The following VPS13A variants were observed in gnomAD, a reference collection of about 807,000 sequenced individuals.
VPS13A encodes the protein intermembrane lipid transfer protein VPS13A.
In VPS13A, 264 loss-of-function variants were observed where a neutral mutation model predicts 390.9. The observed-to-expected ratio is 0.68, with a 90% confidence interval of 0.61 to 0.75. The LOEUF (loss-of-function observed/expected upper bound fraction) is 0.75. Ranked by LOEUF, VPS13A falls within the 30% of genes least tolerant of loss-of-function variation. VPS13A has a pLI of 0.00. For synonymous variants in VPS13A, 1,231 were observed against 1,227.1 expected (o/e 1.00, Z -0.07); for missense variants, 3,409 against 3,733.9 (o/e 0.91, Z 2.27).
At chr9:77,388,078 T>A (rs1370220846) in intron 68 of VPS13A, among the ~76,000 whole-genome samples, 1 of 152,198 alleles carries the variant, frequency 6.6e-6, no homozygotes, top group East Asian at 1.9e-4. Flanking sequence ...TTAGATTTCC[T>A]TGCAAAATAG....
intron 33 of VPS13A, among the ~76,000 whole-genome samples, chr9:77,299,478 C>T (rs11145380): frequency 0.1 from 15,555 of 152,070 alleles, 827 homozygotes; most frequent in Middle Eastern, 0.13. Flanking sequence ...TGTTGGTGTG[C>T]GTGTAAATTA....
intron 34 of VPS13A, among the ~76,000 whole-genome samples, chr9:77,305,163 C>G (rs150866052): frequency 6.6e-6 from 1 of 152,142 alleles, no homozygotes; most frequent in Non-Finnish European, 1.5e-5. Context: ...TGGTCTTGAT[C>G]TCCTGACCTC....
At chr9:77,343,285 A>G (rs1409505907) in intron 50 of VPS13A, among the ~76,000 whole-genome samples, 2 of 152,196 alleles carry the variant, frequency 1.3e-5, no homozygotes, top group Non-Finnish European at 2.9e-5. Flanking sequence ...ATTCCTAAGC[A>G]TGTCTCATAT....
Position 77,360,664 on chromosome 9 carries a change from T to G in VPS13A, c.8211+23T>G, listed in dbSNP as rs550788272. On this transcript the variant is annotated intron_variant, in intron 59 of 71. Transcript: ENST00000360280. ...GAGGTAAGACTTAAAATAATAACAT[T>G]TGATGGAAAGGATTAGGGAAAAGAT... 3.3e-6 allele frequency: 5 copies of G among 1,513,522 alleles called. No individual in the cohort carries two copies. The African/African-American group carries it at 6.9e-5, about 21-fold the overall frequency. 93.8% of individuals were successfully genotyped at this position (1,513,522 alleles called of 1,614,324 possible).
intron 68 of VPS13A, 143 bp downstream of exon 68, chr9:77,382,230 A>G: frequency 7.1e-7 from 1 of 1,417,230 alleles, no homozygotes; most frequent in South Asian, 1.5e-5. Context: ...ATTTACTTAG[A>G]TTTTAAAGTA....
At chr9:77,307,819 A>G in intron 34 of VPS13A, 126 bp from the exon 35 acceptor site, 1 of 764,536 alleles carries the variant, frequency 1.3e-6, no homozygotes, top group Admixed American at 2.7e-5. Flanking sequence ...GTTTGTAAAA[A>G]TGTTTAATTG....
rs746297134 is a variant in VPS13A at position 77,315,488 on chromosome 9, A to C, written c.4630+18A>C. ...GGAAGAAGGTTAGTTATTGGCTAAA[A>C]TATTTAATATTTGTTTTATTGAAGT... On this transcript the variant is annotated intron_variant, in intron 38 of 71. Transcript: ENST00000360280. 1.2e-6 allele frequency: 2 copies of C among 1,608,614 alleles called. No individual in the cohort carries two copies. Among genetic ancestry groups the C allele is most frequent in the Admixed American group, 1.7e-5 (1 of 59,920 alleles).
rs147760905 is a variant in VPS13A, at chr9:77,368,849, A to G, written c.8554-450A>G. 2.3e-4 allele frequency among the ~76,000 whole-genome samples: 35 copies of G among 152,332 alleles called. No individual in the cohort carries two copies. The East Asian group carries it at 3.9e-3, about 17-fold the overall frequency. ...TTTTAAAAGCTAAGAATAGCGATCA[A>G]TAAGCCTGGCATGGTGGCTAACGCC... is the stretch of plus-strand genomic sequence containing the variant. On this transcript the variant is annotated intron_variant, in intron 62 of 71. Coordinates refer to ENST00000360280, the MANE Select transcript of VPS13A (RefSeq NM_033305.3).
At chr9:77,257,410 T>A (rs1170534981) in intron 22 of VPS13A, among the ~76,000 whole-genome samples, 2 of 151,974 alleles carry the variant, frequency 1.3e-5, no homozygotes, top group Non-Finnish European at 2.9e-5. Context: ...AATTTTTAAA[T>A]TTTTTTGTAG....
At chr9:77,405,457 G>T (rs1325886539) in intron 69 of VPS13A, among the ~76,000 whole-genome samples, 1 of 152,162 alleles carries the variant, frequency 6.6e-6, no homozygotes, top group African/African-American at 2.4e-5. Flanking sequence ...GATTTTGTAA[G>T]AAGTGCTTCA....
At position 77,184,173 on chromosome 9, in the gene VPS13A, T is replaced by C. The variant is rs149860343; in HGVS notation, c.100+6369T>C. On this transcript the variant is annotated intron_variant, in intron 1 of 71. Coordinates refer to ENST00000360280, the MANE Select transcript of VPS13A (RefSeq NM_033305.3). Reference sequence around the variant, plus strand: ...ATGTAACTCAAACCCAGTCAAGATATAGAACATGACCATCACCCCAGAAAG... The same window carrying C: ...ATGTAACTCAAACCCAGTCAAGATACAGAACATGACCATCACCCCAGAAAG... Among the ~76,000 whole-genome samples, 13 of 152,346 alleles carry C rather than the reference T, an allele frequency of 8.5e-5. No homozygotes were observed. The East Asian group carries it at 9.6e-4, about 11-fold the overall frequency.
At chr9:77,233,195 G>GT (rs1164889685) in intron 17 of VPS13A, among the ~76,000 whole-genome samples, 1 of 151,886 alleles carries the variant, frequency 6.6e-6, no homozygotes, top group African/African-American at 2.4e-5. Context: ...TGTTGGTACT[G>GT]TTTTTTGCAG....
intron 27 of VPS13A, among the ~76,000 whole-genome samples, chr9:77,280,816 A>G (rs926268729): frequency 1.3e-5 from 2 of 152,302 alleles, no homozygotes; most frequent in East Asian, 1.9e-4. Context: ...TTTGCTATCC[A>G]TTATTGACTA....
At chr9:77,260,985 G>T (rs1279326036) in intron 23 of VPS13A, among the ~76,000 whole-genome samples, 2 of 151,382 alleles carry the variant, frequency 1.3e-5, no homozygotes, top group Non-Finnish European at 2.9e-5. Context: ...TGCAACCTCT[G>T]TCTCTTGGGT....
At chr9:77,177,829 C>T (rs750529669) in intron 1 of VPS13A, 25 bp downstream of exon 1, 8 of 1,591,252 alleles carry the variant, frequency 5.0e-6, no homozygotes, top group South Asian at 2.2e-5. Flanking sequence ...GCCGCCGCTC[C>T]CCGGCCTCTC....
intron 2 of VPS13A, among the ~76,000 whole-genome samples, chr9:77,200,454 A>C (rs1475494140): frequency 3.3e-5 from 5 of 152,176 alleles, no homozygotes; most frequent in Admixed American, 3.3e-4. Context: ...GTGCTACTGC[A>C]CTCCAGCCTG....
intron 70 of VPS13A, 64 bp from the exon 71 acceptor site, chr9:77,407,469 C>T: frequency 7.4e-7 from 1 of 1,353,570 alleles, no homozygotes; most frequent in South Asian, 1.2e-5. Context: ...AGCTTTGTGG[C>T]ATTTCTTTAT....
At position 77,412,906 on chromosome 9, in the gene VPS13A, G is replaced by T. The variant is rs556202860; in HGVS notation, c.9475-3050G>T. On this transcript the variant is annotated intron_variant, in intron 71 of 71. Coordinates refer to ENST00000360280, the MANE Select transcript of VPS13A (RefSeq NM_033305.3). ...GATAGGCAACTTCAGCAAAGTCTCA[G>T]GATACAAAATCAATGTGCAAAAATC... Among the ~76,000 whole-genome samples the T allele has an allele frequency of 5.9e-5, 9 of 152,258 alleles. No homozygotes were observed. The South Asian group carries it at 1.9e-3, about 32-fold the overall frequency.
At chr9:77,360,446 T>C in intron 58 of VPS13A, 90 bp from the exon 59 acceptor site, 1 of 969,974 alleles carries the variant, frequency 1.0e-6, no homozygotes, top group Non-Finnish European at 1.7e-6. Context: ...AAAGTTCTAA[T>C]ATTGATCTCA....
Sources: gnomAD v4.1 joint callset for allele counts (sites outside exome capture counted in the v4.1 genomes callset) on GRCh38, gnomAD v4.1.1 for gene constraint, MANE v1.5 for transcripts, NCBI Gene and HGNC (gene_info 2026-07-23, HGNC 2026-07-21) for gene names.